The following DOCK2 variants were observed in gnomAD, a reference collection of about 807,000 sequenced individuals.
DOCK2 encodes dedicator of cytokinesis protein 2.
A neutral mutation model predicts 248.9 loss-of-function variants in DOCK2; 87 were observed. The ratio of observed to expected loss-of-function variants is 0.35; its 90% CI spans 0.29 to 0.42. DOCK2 has a LOEUF of 0.42. Among genes scored for constraint, DOCK2 ranks in the 10% least tolerant of loss-of-function variants. DOCK2 has a pLI of 1.00. For missense variants in DOCK2, 1,747 were observed against 2,300.2 expected (o/e 0.76, Z 4.92); for synonymous variants, 805 against 821.6 (o/e 0.98, Z 0.35).
intron 8 of DOCK2, among the ~76,000 whole-genome samples, chr5:169,686,702 A>G (rs899787539): frequency 6.6e-5 from 10 of 152,182 alleles, no homozygotes; most frequent in African/African-American, 1.4e-4. Flanking sequence ...GCAGGTTAAG[A>G]CATCTTCAGT....
At chr5:169,810,165 C>A (rs1767648748) in intron 26 of DOCK2, among the ~76,000 whole-genome samples, 1 of 152,138 alleles carries the variant, frequency 6.6e-6, no homozygotes, top group Non-Finnish European at 1.5e-5. Flanking sequence ...CTGATTTCTC[C>A]CTGGGGTCTT....
At chr5:169,741,518 T>G (rs905929186) in intron 22 of DOCK2, among the ~76,000 whole-genome samples, 1 of 152,200 alleles carries the variant, frequency 6.6e-6, no homozygotes, top group Non-Finnish European at 1.5e-5. Context: ...CCCAGAGTAA[T>G]CACTCTTTTG....
rs751233228 is a variant in DOCK2 at position 169,669,365 on chromosome 5, A to G, written c.168+37A>G. The G allele has an allele frequency of 5.6e-6, 9 of 1,612,326 alleles. 1 individual carries two copies. In the South Asian group the frequency reaches 7.7e-5, roughly 14 times the overall value. ...TGGTTTTTATTTGTGTCAGTACTGG[A>G]GGTCTTCATATGGCCCCGCTATCCC... is the stretch of plus-strand genomic sequence containing the variant. On this transcript the variant is annotated intron_variant, in intron 3 of 51. Coordinates refer to ENST00000520908, the MANE Select transcript of DOCK2 (RefSeq NM_004946.3).
chr5:169,884,581 G>GA (rs1772861138), intron 27 of DOCK2: 1 of 152,174 alleles, frequency 6.6e-6, no homozygotes, highest in African/African-American at 2.4e-5. Context: ...TTCAGTGAGG[G>GA]AAACTTATCT....
At chr5:169,776,761 T>C (rs1328342565) in intron 25 of DOCK2, among the ~76,000 whole-genome samples, 1 of 152,190 alleles carries the variant, frequency 6.6e-6, no homozygotes, top group Non-Finnish European at 1.5e-5. Context: ...GGCTTCCCCC[T>C]TTGCTCGCCA....
intron 27 of DOCK2, among the ~76,000 whole-genome samples, chr5:169,907,702 G>A (rs1248705702): frequency 6.6e-6 from 1 of 152,166 alleles, no homozygotes; most frequent in African/African-American, 2.4e-5. Flanking sequence ...TGGCAGAGGG[G>A]GAAATGAACC....
At chr5:169,784,839 A>G (rs1765899473) in intron 25 of DOCK2, among the ~76,000 whole-genome samples, 1 of 152,222 alleles carries the variant, frequency 6.6e-6, no homozygotes, top group Non-Finnish European at 1.5e-5. Flanking sequence ...ATTCAAATGA[A>G]TTTACTTTAT....
intron 27 of DOCK2, among the ~76,000 whole-genome samples, chr5:169,977,803 T>C (rs1364011064): frequency 6.6e-6 from 1 of 152,170 alleles, no homozygotes; most frequent in Non-Finnish European, 1.5e-5. Flanking sequence ...CTGAACTGCC[T>C]GATAAAGCTC....
intron 14 of DOCK2, among the ~76,000 whole-genome samples, chr5:169,707,743 G>A (rs1256999054): frequency 3.9e-5 from 6 of 152,202 alleles, no homozygotes; most frequent in East Asian, 1.9e-4. Context: ...CCGCCCTGAC[G>A]TGTTAGCTGT....
chr5:169,659,719 A>G (rs578125564), intron 2 of DOCK2, among the ~76,000 whole-genome samples: 7 of 152,286 alleles, frequency 4.6e-5, no homozygotes, highest in African/African-American at 1.7e-4. Context: ...TGCCCATATT[A>G]TATCTCTCAT....
chr5:169,809,032 C>T (rs980006242), intron 26 of DOCK2, among the ~76,000 whole-genome samples: 1 of 151,860 alleles, frequency 6.6e-6, no homozygotes, highest in Non-Finnish European at 1.5e-5. Flanking sequence ...CACTCTGTTG[C>T]CCAGGCTGGA....
intron 27 of DOCK2, among the ~76,000 whole-genome samples, chr5:169,921,146 A>G (rs1281476931): frequency 2.6e-5 from 4 of 152,146 alleles, no homozygotes; most frequent in African/African-American, 4.8e-5. Flanking sequence ...AATGAATGCA[A>G]TGTTAGCCTG....
At chr5:170,018,816 C>T (rs1361396064) in intron 32 of DOCK2, 144 bp from the exon 33 acceptor site, 2 of 1,090,750 alleles carry the variant, frequency 1.8e-6, no homozygotes, top group East Asian at 4.8e-5. Flanking sequence ...AAAACGGTGC[C>T]TGGCTCATGG....
At chr5:169,716,392 C>T in intron 20 of DOCK2, 90 bp downstream of exon 20, 1 of 1,293,832 alleles carries the variant, frequency 7.7e-7, no homozygotes, top group Non-Finnish European at 1.1e-6. Context: ...CCTCATGGCC[C>T]TCATGGCCTT....
intron 1 of DOCK2, among the ~76,000 whole-genome samples, chr5:169,646,498 T>C (rs1757480073): frequency 6.6e-6 from 1 of 152,224 alleles, no homozygotes; most frequent in African/African-American, 2.4e-5. Context: ...CCTTGTCTTT[T>C]AGTTAGGTAA....
intron 32 of DOCK2, among the ~76,000 whole-genome samples, chr5:170,015,858 C>A (rs1190549674): frequency 7.3e-6 from 1 of 137,254 alleles, no homozygotes; most frequent in Non-Finnish European, 1.6e-5. Flanking sequence ...TTTCTTCTTT[C>A]CCTCCCTCCC....
At chr5:169,723,582 A>G (rs994308879) in intron 22 of DOCK2, among the ~76,000 whole-genome samples, 1 of 151,992 alleles carries the variant, frequency 6.6e-6, no homozygotes, top group African/African-American at 2.4e-5. Context: ...GCTACTCCTC[A>G]CTCACTTTGT....
At chr5:169,687,196 C>A (rs1197722691) in intron 8 of DOCK2, among the ~76,000 whole-genome samples, 1 of 152,074 alleles carries the variant, frequency 6.6e-6, no homozygotes, top group East Asian at 1.9e-4. Flanking sequence ...AACAACAGTA[C>A]AGAAATTACC....
intron 22 of DOCK2, among the ~76,000 whole-genome samples, chr5:169,741,732 C>T (rs1422306114): frequency 3.3e-5 from 5 of 152,058 alleles, no homozygotes; most frequent in African/African-American, 1.2e-4. Context: ...TGCCTCCCTA[C>T]CCACTGACTT....
Sources: gnomAD v4.1 joint callset for allele counts (sites outside exome capture counted in the v4.1 genomes callset) on GRCh38, gnomAD v4.1.1 for gene constraint, MANE v1.5 for transcripts, NCBI Gene and HGNC (gene_info 2026-07-23, HGNC 2026-07-21) for gene names.